ZNF2: variants seen among roughly 807,000 people sequenced by gnomAD.
ZNF2 encodes the protein zinc finger protein 2.2.
A neutral mutation model predicts 21.9 loss-of-function variants in ZNF2; 12 were observed. The ratio of observed to expected loss-of-function variants is 0.55; its 90% CI spans 0.35 to 0.89. The LOEUF (loss-of-function observed/expected upper bound fraction) is 0.89, where lower values mean the gene tolerates loss of function less well. Ranked by LOEUF, ZNF2 falls within the 40% of genes least tolerant of loss-of-function variation. The probability of loss-of-function intolerance (pLI) is 0.01; values close to 1 mark genes in which losing one functional copy is unlikely to be tolerated. For missense variants in ZNF2, 462 were observed against 544.2 expected, an observed-to-expected ratio of 0.85 and a Z score of 1.50; for synonymous variants, 186 against 196.3, an observed-to-expected ratio of 0.95 and a Z score of 0.44.
At position 95,181,374 on chromosome 2, in the gene ZNF2, T is replaced by C; in HGVS notation, c.546T>C (p.Phe182=). Reference sequence around the variant, plus strand: ...AATGCAGTGACTGTGGGAAGACCTTTTTTGACCACTCATCCCTCACCCGCC... The same window carrying C: ...AATGCAGTGACTGTGGGAAGACCTTCTTTGACCACTCATCCCTCACCCGCC... The part of the protein sequence containing the change: ...HQECSDCGKT[F]FDHSSLTRHQ... The change falls in exon 5 of 5, where the codon TTT becomes TTC. Residue 182 remains phenylalanine (F), a synonymous_variant. Coordinates refer to ENST00000614034, the MANE Select transcript of ZNF2 (RefSeq NM_021088.4). 1 of 1,614,146 alleles carries C rather than the reference T, an allele frequency of 6.2e-7. No individual in the cohort carries two copies.
At chr2:95,180,541 G>A (rs916516596) in intron 4 of ZNF2, among the ~76,000 whole-genome samples, 10 of 144,622 alleles carry the variant, frequency 6.9e-5, no homozygotes, top group African/African-American at 2.1e-4. Flanking sequence ...ACAGAGTCTC[G>A]CTCTGTTGCC....
At position 95,182,124 on chromosome 2, in the gene ZNF2, G is replaced by C; in HGVS notation, c.*18G>C. 1 of 1,574,486 alleles carries C rather than the reference G, an allele frequency of 6.4e-7. No homozygotes were observed. The highest frequency in any genetic ancestry group is 1.2e-5 in the South Asian group (1 of 84,818). ...TAGACTGAGTTGGGCAAAAGCTTGGGTAGGACAAGAACTTCCATACAAATT... is the reference window on the plus strand; with the variant it reads ...TAGACTGAGTTGGGCAAAAGCTTGGCTAGGACAAGAACTTCCATACAAATT... On this transcript the variant is annotated 3_prime_UTR_variant, in exon 5 of 5. Transcript: ENST00000614034.
chr2:95,173,629 A>T (rs534825655), intron 1 of ZNF2, among the ~76,000 whole-genome samples: 11 of 152,386 alleles, frequency 7.2e-5, no homozygotes, highest in African/African-American at 2.6e-4. Flanking sequence ...AATTAGCCTT[A>T]TAAAAAGCAC....
Position 95,183,586 on chromosome 2 carries a change from ACTCTT to A in ZNF2, c.*1487_*1491del, listed in dbSNP as rs1399792114. 1.4e-5 allele frequency: 2 copies of A among 144,348 alleles called. No homozygotes were observed. The highest frequency in any genetic ancestry group is 4.1e-4 in the East Asian group (2 of 4,912). The allele number at this position is 144,348 out of a possible 1,614,324, so 8.9% of individuals were successfully genotyped here. On this transcript the variant is annotated 3_prime_UTR_variant, in exon 5 of 5. Transcript: ENST00000614034. ...TGAATTTTACCTCCTGACTCCAAAAACTCTTCTCTTCCCTGGGCCCAGTCCTATTT... is the reference window on the plus strand; with the variant it reads ...TGAATTTTACCTCCTGACTCCAAAAACTCTTCCCTGGGCCCAGTCCTATTT...
intron 3 of ZNF2, among the ~76,000 whole-genome samples, chr2:95,178,499 G>A (rs147251883): frequency 4.3e-4 from 65 of 152,260 alleles, no homozygotes; most frequent in East Asian, 9.7e-4. Flanking sequence ...GAACCCCTGA[G>A]GTCAGGGACA....
Position 95,165,865 on chromosome 2 carries a change from G to C in ZNF2, c.-40+5G>C, listed in dbSNP as rs1422594539. On this transcript the variant is annotated splice_donor_5th_base_variant and intron_variant, in intron 1 of 4. Transcript: ENST00000614034. ...CCCGAGCACTCTGTGCCGGAGGTGAGGGTTGTGGGTGTGTGTCTTCAAGGA... is the reference window on the plus strand; with the variant it reads ...CCCGAGCACTCTGTGCCGGAGGTGACGGTTGTGGGTGTGTGTCTTCAAGGA... 2 of 152,356 alleles carry C rather than the reference G, an allele frequency of 1.3e-5. No individual in the cohort carries two copies. The highest frequency in any genetic ancestry group is 2.4e-5 in the African/African-American group (1 of 41,480). 9.4% of individuals were successfully genotyped at this position (152,356 alleles called of 1,614,324 possible).
intron 4 of ZNF2, 54 bp from the exon 5 acceptor site, chr2:95,181,049 T>C (rs1311819725): frequency 6.4e-7 from 1 of 1,571,318 alleles, no homozygotes; most frequent in Non-Finnish European, 8.6e-7. Context: ...CTCTTCTTTC[T>C]GTAATATTTC....
intron 3 of ZNF2, among the ~76,000 whole-genome samples, chr2:95,178,067 C>T (rs1485470342): frequency 1.3e-5 from 2 of 152,154 alleles, no homozygotes; most frequent in Non-Finnish European, 2.9e-5. Context: ...AGGGTTGTGC[C>T]TCTGAGGTCA....
intron 1 of ZNF2, among the ~76,000 whole-genome samples, chr2:95,175,443 G>A (rs1440786609): frequency 3.9e-5 from 6 of 152,156 alleles, no homozygotes; most frequent in African/African-American, 1.2e-4. Context: ...CTCTGGTCCC[G>A]TGGTCTATTA....
Position 95,177,604 on chromosome 2 carries a change from C to A in ZNF2, c.155C>A (p.Ser52Ter). 6.2e-7 allele frequency: 1 copy of A among 1,613,484 alleles called. No individual in the cohort carries two copies. Among genetic ancestry groups the A allele is most frequent in the South Asian group, 1.1e-5 (1 of 91,000 alleles). ...CTGGAGAACTATAACAGCATTGTGT[C>A]ATTGGGTAAGGGGAGCCTCCATGAG... ...VMLENYNSIV[S>*]LGLPVPQPDV... Residue 52 changes from serine (S) to a stop codon, truncating the protein, a stop_gained, in exon 3 of 5, where the codon TCA (serine) becomes TAA (stop). Coordinates refer to ENST00000614034, the MANE Select transcript of ZNF2 (RefSeq NM_021088.4). LOFTEE classifies it high-confidence loss of function.
chr2:95,181,631 AC>A lies in ZNF2; in HGVS notation c.805del (p.Arg269ValfsTer37). ...QCNECGKAFF[D>X]RSSLTRHQRI... ...AACGAGTGTGGAAAAGCCTTTTTTG[AC>A]CGTTCATCCCTTACTCGACACCAGA... On this transcript the variant is annotated frameshift_variant, in exon 5 of 5. Coordinates refer to ENST00000614034, the MANE Select transcript of ZNF2 (RefSeq NM_021088.4). LOFTEE classifies it low-confidence loss of function (END_TRUNC). 6.2e-7 allele frequency: 1 copy of A among 1,614,110 alleles called. No individual in the cohort carries two copies. The highest frequency in any genetic ancestry group is 8.5e-7 in the Non-Finnish European group (1 of 1,180,024).
chr2:95,167,939 G>A (rs1674139299), intron 1 of ZNF2, among the ~76,000 whole-genome samples: 1 of 152,090 alleles, frequency 6.6e-6, no homozygotes. Flanking sequence ...AGAGTAAGTG[G>A]TAACAGTGTG....
At chr2:95,174,258 G>A (rs1674370966) in intron 1 of ZNF2, among the ~76,000 whole-genome samples, 1 of 152,118 alleles carries the variant, frequency 6.6e-6, no homozygotes, top group Admixed American at 6.6e-5. Flanking sequence ...TAAATTCCTA[G>A]GAGAGAATTG....
In ZNF2 at chr2:95,181,391, T is replaced by A. The variant is rs1377993481; in HGVS notation, c.563T>A (p.Leu188His). ...CGKTFFDHSS[L>H]TRHQRTHTGE... ...AAGACCTTTTTTGACCACTCATCCC[T>A]CACCCGCCATCAGAGGACTCACACT... The change falls in exon 5 of 5, where the codon CTC (leucine) becomes CAC (histidine). Residue 188 changes from leucine (L) to histidine (H), a missense_variant. Leu to His is a moderately conservative substitution (Grantham distance 99). Coordinates refer to ENST00000614034, the MANE Select transcript of ZNF2 (RefSeq NM_021088.4). The A allele has an allele frequency of 5.6e-6, 9 of 1,614,144 alleles. No individual in the cohort carries two copies. Among genetic ancestry groups the A allele is most frequent in the Non-Finnish European group, 7.6e-6 (9 of 1,180,034 alleles).
chr2:95,183,587 C>T lies in ZNF2; in HGVS notation c.*1481C>T, dbSNP rs1265051889. 6.7e-6 allele frequency: 1 copy of T among 150,050 alleles called. No individual in the cohort carries two copies. Among genetic ancestry groups the T allele is most frequent in the Admixed American group, 6.7e-5 (1 of 15,010 alleles). The allele number at this position is 150,050 out of a possible 1,614,324, so 9.3% of individuals were successfully genotyped here. ...GAATTTTACCTCCTGACTCCAAAAACTCTTCTCTTCCCTGGGCCCAGTCCT... is the reference window on the plus strand; with the variant it reads ...GAATTTTACCTCCTGACTCCAAAAATTCTTCTCTTCCCTGGGCCCAGTCCT... On this transcript the variant is annotated 3_prime_UTR_variant, in exon 5 of 5. Transcript: ENST00000614034.
chr2:95,167,437 C>T (rs1343561692), intron 1 of ZNF2, among the ~76,000 whole-genome samples: 3 of 138,750 alleles, frequency 2.2e-5, no homozygotes, highest in Non-Finnish European at 3.0e-5. Flanking sequence ...ACCCGGCAGG[C>T]GGAGCTTGCA....
chr2:95,166,564 A>T (rs1331025845), intron 1 of ZNF2, among the ~76,000 whole-genome samples: 1 of 152,136 alleles, frequency 6.6e-6, no homozygotes, highest in Admixed American at 6.5e-5. Flanking sequence ...CACATTCAGG[A>T]CTAGAGAGGG....
rs1422200636 is a variant in ZNF2 at position 95,181,750 on chromosome 2, A to G, written c.922A>G (p.Thr308Ala). The change falls in exon 5 of 5, where the codon ACT (threonine) becomes GCT (alanine). Residue 308 changes from threonine to alanine, a missense_variant. By Grantham distance (58) the Thr-to-Ala change is moderately conservative (BLOSUM62 0). Transcript: ENST00000614034. ...SILTRHQLIH[T>A]GRKPYECNEC... ...TCTTACTCGCCATCAGCTAATCCACACTGGCAGGAAGCCTTATGAGTGTAA... is the reference window on the plus strand; with the variant it reads ...TCTTACTCGCCATCAGCTAATCCACGCTGGCAGGAAGCCTTATGAGTGTAA... The G allele has an allele frequency of 1.2e-6, 2 of 1,614,236 alleles. No homozygotes were observed. Among genetic ancestry groups the G allele is most frequent in the South Asian group, 2.2e-5 (2 of 91,084 alleles).
chr2:95,168,424 CAAAA>C (rs5832794), intron 1 of ZNF2, among the ~76,000 whole-genome samples: 2 of 115,790 alleles, frequency 1.7e-5, no homozygotes, highest in Admixed American at 8.5e-5. Flanking sequence ...GACTCCGTCT[CAAAA>C]AAAAAAAAAA....
Sources: allele counts gnomAD v4.1 joint callset (sites outside exome capture counted in the v4.1 genomes callset), GRCh38; gene constraint gnomAD v4.1.1; transcripts MANE v1.5; gene names NCBI Gene and HGNC (gene_info 2026-07-23, HGNC 2026-07-21).